SIGLEC1: variants seen among roughly 807,000 people sequenced by gnomAD.
SIGLEC1 encodes the protein sialic acid binding Ig like lectin 1.
In SIGLEC1, 132 loss-of-function variants were observed where a neutral mutation model predicts 148.0. The ratio of observed to expected loss-of-function variants is 0.89; its 90% confidence interval spans 0.77 to 1.03. The LOEUF (loss-of-function observed/expected upper bound fraction) is 1.03. Ranked by LOEUF, SIGLEC1 falls within the 50% of genes least tolerant of loss-of-function variation. The pLI is 0.00. For synonymous variants in SIGLEC1, 945 were observed against 969.0 expected (o/e 0.98, Z 0.46); for missense variants, 2,253 against 2,271.4 (o/e 0.99, Z 0.16).
Position 3,704,089 on chromosome 20 carries a change from C to A in SIGLEC1, c.709G>T (p.Ala237Ser). ...AGGAGGATCTTCACACCCTTGGGGG[C>A]ATCTGCAAGTCACAGTAGGGGGTAT... ...QSEIHLQVKY[A>S]PKGVKILLSP... Residue 237 changes from alanine to serine, a missense_variant and splice_region_variant, in exon 5 of 22, where the codon GCC becomes TCC. Physicochemically the swap from Ala to Ser is moderately conservative, Grantham distance 99 (BLOSUM62 1). Coordinates refer to ENST00000344754, the MANE Select transcript of SIGLEC1 (RefSeq NM_023068.4). 1.2e-6 allele frequency: 2 copies of A among 1,610,880 alleles called. No homozygotes were observed. The highest frequency in any genetic ancestry group is 1.7e-6 in the Non-Finnish European group (2 of 1,178,552).
intron 16 of SIGLEC1, 112 bp downstream of exon 16, chr20:3,692,409 C>T: frequency 5.3e-6 from 7 of 1,319,038 alleles, no homozygotes; most frequent in Non-Finnish European, 6.1e-6. Flanking sequence ...CCTCTTTCCC[C>T]AACTGCCCAT....
In SIGLEC1 at chr20:3,693,126, G is replaced by C; in HGVS notation, c.3514C>G (p.Pro1172Ala). Residue 1172 changes from proline to alanine, a missense_variant, in exon 15 of 22, where the codon CCC becomes GCC. Coordinates refer to ENST00000344754, the MANE Select transcript of SIGLEC1 (RefSeq NM_023068.4). ...RPITLDVLYA[P>A]RNLRLTYLLE... ...AGGTAGGTCAGGCGCAGGTTGCGGGGCGCGTCTGCAGGGCATGAGAGGCTT... is the reference window on the plus strand; with the variant it reads ...AGGTAGGTCAGGCGCAGGTTGCGGGCCGCGTCTGCAGGGCATGAGAGGCTT... 6 of 1,558,238 alleles carry C rather than the reference G, an allele frequency of 3.9e-6. No individual in the cohort carries two copies. The highest frequency in any genetic ancestry group is 5.2e-6 in the Non-Finnish European group (6 of 1,157,910).
At chr20:3,706,785 A>AGAGAAG in intron 2 of SIGLEC1, 79 bp from the exon 3 acceptor site, 1 of 1,445,518 alleles carries the variant, frequency 6.9e-7, no homozygotes, top group Non-Finnish European at 9.1e-7. Flanking sequence ...GACCTGCCCC[A>AGAGAAG]GAGAAGGTGC....
At chr20:3,695,565 G>A (rs1289548137) in intron 11 of SIGLEC1, among the ~76,000 whole-genome samples, 3 of 152,210 alleles carry the variant, frequency 2.0e-5, no homozygotes, top group Non-Finnish European at 4.4e-5. Context: ...TGCTAAGCAA[G>A]AACACAGACC....
At chr20:3,698,179 G>A (rs1294940198) in intron 8 of SIGLEC1, 46 bp from the exon 9 acceptor site, 2 of 1,478,780 alleles carry the variant, frequency 1.4e-6, no homozygotes, top group South Asian at 1.3e-5. Context: ...GATGCTCCAG[G>A]GCCCCACAAG....
At chr20:3,695,038 G>T in intron 11 of SIGLEC1, 115 bp from the exon 12 acceptor site, 1 of 1,123,292 alleles carries the variant, frequency 8.9e-7, no homozygotes, top group Non-Finnish European at 1.2e-6. Context: ...TGGAGCCGCA[G>T]CCCCTTCCAG....
rs781207770 is a variant in SIGLEC1 at position 3,703,982 on chromosome 20, ACT to A, written c.814_815del (p.Ser272PhefsTer3). The A allele has an allele frequency of 6.2e-7, 1 of 1,612,558 alleles. No homozygotes were observed. Among genetic ancestry groups the A allele is most frequent in the East Asian group, 2.2e-5 (1 of 44,828 alleles). On this transcript the variant is annotated frameshift_variant, in exon 5 of 22. Transcript: ENST00000344754. LOFTEE classifies it high-confidence loss of function. ...CCCCATCCTTGAGCCACTTAATGGA[ACT>A]GACTGCAGGGTAGCTGCTGTTCACC... ...CQVNSSYPAVSSIKWLKDGVR... is the reference protein window; with the variant it reads ...CQVNSSYPAVXSIKWLKDGVR...
rs746619921 is a variant in SIGLEC1 at position 3,699,366 on chromosome 20, G to A, written c.1622C>T (p.Ala541Val). 1 of 1,608,778 alleles carries A rather than the reference G, an allele frequency of 6.2e-7. No individual in the cohort carries two copies. The highest frequency in any genetic ancestry group is 8.5e-7 in the Non-Finnish European group (1 of 1,178,342). ...CRSGLSPTPD[A>V]RFSWYLNGAL... is the part of the protein sequence containing the mutation. ...TCCATTCAGGTACCAGGAGAAGCGGGCATCAGGTGTGGGGCTTAGGCCGCT... is the reference window on the plus strand; with the variant it reads ...TCCATTCAGGTACCAGGAGAAGCGGACATCAGGTGTGGGGCTTAGGCCGCT... The change falls in exon 8 of 22, where the codon GCC becomes GTC. Residue 541 changes from alanine to valine, a missense_variant. Ala to Val is a moderately conservative substitution (Grantham distance 64). Coordinates refer to ENST00000344754, the MANE Select transcript of SIGLEC1 (RefSeq NM_023068.4).
chr20:3,691,342 A>G lies in SIGLEC1; in HGVS notation c.4589T>C (p.Leu1530Pro). 1 of 1,613,430 alleles carries G rather than the reference A, an allele frequency of 6.2e-7. No individual in the cohort carries two copies. Among genetic ancestry groups the G allele is most frequent in the Non-Finnish European group, 8.5e-7 (1 of 1,179,964 alleles). ...CGGAGGAGGGGGTTCACACTCACAGAGCACACGGAGCATGACTGGAGCAGA... is the reference window on the plus strand; with the variant it reads ...CGGAGGAGGGGGTTCACACTCACAGGGCACACGGAGCATGACTGGAGCAGA... ...AASAPVMLRV[L>P]YPPKTPTMMV... Residue 1530 changes from leucine (L) to proline (P), a missense_variant and splice_region_variant, in exon 18 of 22, where the codon CTC (leucine) becomes CCC (proline). Leu to Pro is a moderately conservative substitution (Grantham distance 98). Coordinates refer to ENST00000344754, the MANE Select transcript of SIGLEC1 (RefSeq NM_023068.4).
intron 8 of SIGLEC1, among the ~76,000 whole-genome samples, chr20:3,698,401 T>A (rs1210269170): frequency 6.6e-6 from 1 of 152,246 alleles, no homozygotes; most frequent in Non-Finnish European, 1.5e-5. Flanking sequence ...AAAGGTGCTG[T>A]ATGGGCTGGC....
intron 8 of SIGLEC1, among the ~76,000 whole-genome samples, chr20:3,698,798 C>T (rs1332741160): frequency 1.3e-5 from 2 of 152,206 alleles, no homozygotes; most frequent in African/African-American, 2.4e-5. Context: ...CCCCGCTTGG[C>T]GGATGCAGAG....
intron 7 of SIGLEC1, among the ~76,000 whole-genome samples, chr20:3,699,701 G>GC: frequency 6.6e-6 from 1 of 152,214 alleles, no homozygotes. Context: ...GCTTGGCTGG[G>GC]CATGGTAGCT....
Position 3,701,654 on chromosome 20 carries a change from G to C in SIGLEC1, c.1229-13C>G, listed in dbSNP as rs371795714. The C allele has an allele frequency of 4.5e-6, 7 of 1,539,370 alleles. No homozygotes were observed. In the East Asian group the frequency reaches 1.4e-4, roughly 30 times the overall value. On this transcript the variant is annotated splice_polypyrimidine_tract_variant and intron_variant, in intron 6 of 21. Coordinates refer to ENST00000344754, the MANE Select transcript of SIGLEC1 (RefSeq NM_023068.4). ...GTGAGAGGCGGGTCTGTGTGGAGAC[G>C]AGAGGTGGGCCTGTCACCCTCAGAC... is the stretch of plus-strand genomic sequence containing the variant.
chr20:3,690,107 T>C lies in SIGLEC1; in HGVS notation c.4749A>G (p.Ala1583=). Residue 1583 remains alanine, a synonymous_variant, in exon 19 of 22, where the codon GCA becomes GCG. Coordinates refer to ENST00000344754, the MANE Select transcript of SIGLEC1 (RefSeq NM_023068.4). Reference sequence around the variant, plus strand: ...AAGCCAGGACATGGATGTGTGGCTCTGCAGGAGCACCCTGGGGCTGACTGG... The same window carrying C: ...AAGCCAGGACATGGATGTGTGGCTCCGCAGGAGCACCCTGGGGCTGACTGG... ...VASSQPQGAP[A]EPHIHVLASP... 6.2e-7 allele frequency: 1 copy of C among 1,611,138 alleles called. No individual in the cohort carries two copies. Among genetic ancestry groups the C allele is most frequent in the Non-Finnish European group, 8.5e-7 (1 of 1,179,122 alleles).
At position 3,701,409 on chromosome 20, in the gene SIGLEC1, C is replaced by T; in HGVS notation, c.1461G>A (p.Gly487=). The change falls in exon 7 of 22, where the codon GGG becomes GGA. Residue 487 remains glycine, a synonymous_variant. Coordinates refer to ENST00000344754, the MANE Select transcript of SIGLEC1 (RefSeq NM_023068.4). ...AGTTGGTGGCTGAGCACTTGTACTCCCCACTGTCAGTTTCCTCCAGGTCTC... is the reference window on the plus strand; with the variant it reads ...AGTTGGTGGCTGAGCACTTGTACTCTCCACTGTCAGTTTCCTCCAGGTCTC... ...EIRDLEETDS[G]EYKCSATNSL... 1 of 1,614,142 alleles carries T rather than the reference C, an allele frequency of 6.2e-7. No homozygotes were observed.
At chr20:3,701,304 C>A (rs753259723) in intron 7 of SIGLEC1, 38 bp downstream of exon 7, 6 of 1,548,202 alleles carry the variant, frequency 3.9e-6, no homozygotes, top group Non-Finnish European at 4.4e-6. Flanking sequence ...CCTCCTCAGG[C>A]TCCCTCCACT....
intron 11 of SIGLEC1, among the ~76,000 whole-genome samples, chr20:3,695,467 C>T (rs2088812516): frequency 6.6e-6 from 1 of 152,162 alleles, no homozygotes; most frequent in African/African-American, 2.4e-5. Flanking sequence ...GACCTGGGGA[C>T]CAGGCAAAGG....
rs1291002105 is a variant in SIGLEC1 at position 3,694,688 on chromosome 20, A to C, written c.2919T>G (p.Ala973=). 1 of 1,613,712 alleles carries C rather than the reference A, an allele frequency of 6.2e-7. No homozygotes were observed. Among genetic ancestry groups the C allele is most frequent in the Non-Finnish European group, 8.5e-7 (1 of 1,179,972 alleles). The part of the protein sequence containing the change: ...QAPGSATTSL[A]APISLHVSYA... ...AGGACACGTGGAGGCTGATGGGTGC[A>C]GCTAGGCTCGTGGTGGCTGAGCCTG... Residue 973 remains alanine (A), a synonymous_variant, in exon 12 of 22, where the codon GCT becomes GCG. Transcript: ENST00000344754.
chr20:3,702,400 A>G (rs1397088531), intron 6 of SIGLEC1, among the ~76,000 whole-genome samples: 1 of 152,152 alleles, frequency 6.6e-6, no homozygotes, highest in Admixed American at 6.5e-5. Flanking sequence ...ATCCTGGCCA[A>G]CATGGTGAAA....
Sources: allele counts gnomAD v4.1 joint callset (sites outside exome capture counted in the v4.1 genomes callset), GRCh38; gene constraint gnomAD v4.1.1; transcripts MANE v1.5; gene names NCBI Gene and HGNC (gene_info 2026-07-23, HGNC 2026-07-21).